The following FICD variants were observed in gnomAD, a reference collection of about 807,000 sequenced individuals.
FICD encodes FIC domain protein adenylyltransferase, also known as protein adenylyltransferase FICD.
FICD carries 13 observed loss-of-function variants against 28.0 expected under a neutral mutation model. The ratio of observed to expected loss-of-function variants is 0.46; its 90% confidence interval spans 0.30 to 0.74. FICD has a LOEUF of 0.74. Ranked by LOEUF, FICD falls within the 30% of genes least tolerant of loss-of-function variation. FICD has a pLI of 0.07. For synonymous variants in FICD, 268 were observed against 266.4 expected (o/e 1.01, Z -0.06); for missense variants, 576 against 624.5 (o/e 0.92, Z 0.83).
At chr12:108,517,450 A>C in intron 2 of FICD, 177 bp downstream of exon 2, 1 of 499,498 alleles carries the variant, frequency 2.0e-6, no homozygotes, top group Non-Finnish European at 3.3e-6. Context: ...GGGAAGCATA[A>C]AGGGCTGTAG....
In FICD at chr12:108,519,999, A is replaced by G. The variant is rs1397840060; in HGVS notation, c.*524A>G. On this transcript the variant is annotated 3_prime_UTR_variant, in exon 3 of 3. Coordinates refer to ENST00000552695, the MANE Select transcript of FICD (RefSeq NM_007076.3). The surrounding 1 kb of genome is among the most constrained non-coding windows in gnomAD (Gnocchi z 4.5). Reference sequence around the variant, plus strand: ...GGTGACTAACTTCCAAGCAAACTTCATAGAAGAGAAAATGAATGCCGACAT... The same window carrying G: ...GGTGACTAACTTCCAAGCAAACTTCGTAGAAGAGAAAATGAATGCCGACAT... 6.6e-6 allele frequency: 1 copy of G among 152,216 alleles called. No homozygotes were observed. The highest frequency in any genetic ancestry group is 1.9e-4 in the East Asian group (1 of 5,200). 9.4% of individuals were successfully genotyped at this position (152,216 alleles called of 1,614,324 possible).
Position 108,518,341 on chromosome 12 carries a change from C to A in FICD, c.302-59C>A. On this transcript the variant is annotated intron_variant, in intron 2 of 2. Transcript: ENST00000552695. This position sits in a 1 kb window ranked among gnomAD's most constrained non-coding sequence, Gnocchi z 4.4. Reference sequence around the variant, plus strand: ...GAGACCAGCACAGGGGACAGCCCCCCGAATGTCCTCTGCCCCCTAGCCTCC... The same window carrying A: ...GAGACCAGCACAGGGGACAGCCCCCAGAATGTCCTCTGCCCCCTAGCCTCC... 7.0e-7 allele frequency: 1 copy of A among 1,426,270 alleles called. No homozygotes were observed. Among genetic ancestry groups the A allele is most frequent in the East Asian group, 2.3e-5 (1 of 43,248 alleles). The allele number at this position is 1,426,270 out of a possible 1,614,324, so 88.4% of individuals were successfully genotyped here.
chr12:108,515,816 C>A (rs1206317406), intron 1 of FICD, among the ~76,000 whole-genome samples: 4 of 152,200 alleles, frequency 2.6e-5, no homozygotes, highest in African/African-American at 9.7e-5. Flanking sequence ...GTGCACAGGC[C>A]CTGCTTAGTA....
Position 108,519,059 on chromosome 12 carries a change from C to T in FICD, c.961C>T (p.Pro321Ser), listed in dbSNP as rs1872016179. 4 of 1,614,260 alleles carry T rather than the reference C, an allele frequency of 2.5e-6. No homozygotes were observed. The highest frequency in any genetic ancestry group is 1.7e-6 in the Non-Finnish European group (2 of 1,180,050). ...TTQVLVGHHIPPHPQDVEKQM... is the reference protein window; with the variant it reads ...TTQVLVGHHISPHPQDVEKQM... ...ACAGGTCCTGGTCGGACACCACATC[C>T]CTCCCCATCCGCAGGATGTGGAAAA... The change falls in exon 3 of 3, where the codon CCT (proline) becomes TCT (serine). Residue 321 changes from proline to serine, a missense_variant. Transcript: ENST00000552695. This position sits in a 1 kb window ranked among gnomAD's most constrained non-coding sequence, Gnocchi z 4.5.
chr12:108,519,679 T>C lies in FICD; in HGVS notation c.*204T>C. On this transcript the variant is annotated 3_prime_UTR_variant, in exon 3 of 3. Transcript: ENST00000552695. This position sits in a 1 kb window ranked among gnomAD's most constrained non-coding sequence, Gnocchi z 4.5. Reference sequence around the variant, plus strand: ...TAATTCAACCAAGCTATTTATTTTCTTCTTTGGAGCAAGCTAGTCAGTATT... The same window carrying C: ...TAATTCAACCAAGCTATTTATTTTCCTCTTTGGAGCAAGCTAGTCAGTATT... 1 of 540,512 alleles carries C rather than the reference T, an allele frequency of 1.9e-6. No homozygotes were observed. Among genetic ancestry groups the C allele is most frequent in the Non-Finnish European group, 3.2e-6 (1 of 310,002 alleles). The allele number at this position is 540,512 out of a possible 1,614,324, so 33.5% of individuals were successfully genotyped here. A position where few individuals can be genotyped will look rare whatever the true frequency, so the allele number is the denominator to read the frequency against.
In FICD at chr12:108,518,263, G is replaced by A. The variant is rs1019404125; in HGVS notation, c.302-137G>A. On this transcript the variant is annotated intron_variant, in intron 2 of 2. Transcript: ENST00000552695. This position sits in a 1 kb window ranked among gnomAD's most constrained non-coding sequence, Gnocchi z 4.4. ...CATGTTGAGTACACACGATGCGGCT[G>A]CAACAAGCTCCTCAAGGCCAGGGAC... is the stretch of plus-strand genomic sequence containing the variant. 6 of 750,804 alleles carry A rather than the reference G, an allele frequency of 8.0e-6. No homozygotes were observed. The highest frequency in any genetic ancestry group is 8.0e-5 in the Admixed American group (4 of 50,118). 46.5% of individuals were successfully genotyped at this position (750,804 alleles called of 1,614,324 possible). A position where few individuals can be genotyped will look rare whatever the true frequency, so the allele number is the denominator to read the frequency against.
rs766816964 is a variant in FICD, at chr12:108,519,016, C to T, written c.918C>T (p.Ala306=). The T allele has an allele frequency of 2.2e-5, 35 of 1,614,090 alleles. No individual in the cohort carries two copies. The East Asian group carries it at 2.9e-4, about 13-fold the overall frequency. The part of the protein sequence containing the change: ...RVLGYVDPVE[A]GRFRTTQVLV... ...TGGGCTACGTGGACCCCGTGGAAGC[C>T]GGCAGGTTTCGGACAACACAGGTCC... The change falls in exon 3 of 3, where the codon GCC becomes GCT. Residue 306 remains alanine, a synonymous_variant. Transcript: ENST00000552695. This position sits in a 1 kb window ranked among gnomAD's most constrained non-coding sequence, Gnocchi z 4.5.
rs765792790 is a variant in FICD, at chr12:108,517,289, C to T, written c.301+16C>T. 5 of 1,486,250 alleles carry T rather than the reference C, an allele frequency of 3.4e-6. No individual in the cohort carries two copies. Among genetic ancestry groups the T allele is most frequent in the African/African-American group, 2.8e-5 (2 of 71,864 alleles). The allele number at this position is 1,486,250 out of a possible 1,614,324, so 92.1% of individuals were successfully genotyped here. A position where few individuals can be genotyped will look rare whatever the true frequency, so the allele number is the denominator to read the frequency against. ...GCCTCTCCAGGTAAGACAGACTGGC[C>T]GTCTTCCTCAATGCTTGTTAACTGG... On this transcript the variant is annotated intron_variant, in intron 2 of 2. Coordinates refer to ENST00000552695, the MANE Select transcript of FICD (RefSeq NM_007076.3).
In FICD at chr12:108,518,692, C is replaced by G; in HGVS notation, c.594C>G (p.Ile198Met). 1.2e-6 allele frequency: 2 copies of G among 1,614,176 alleles called. No individual in the cohort carries two copies. Among genetic ancestry groups the G allele is most frequent in the East Asian group, 2.2e-5 (1 of 44,880 alleles). Residue 198 changes from isoleucine (I) to methionine (M), a missense_variant, in exon 3 of 3, where the codon ATC (isoleucine) becomes ATG (methionine). By Grantham distance (10) the Ile-to-Met change is conservative. Coordinates refer to ENST00000552695, the MANE Select transcript of FICD (RefSeq NM_007076.3). This position sits in a 1 kb window ranked among gnomAD's most constrained non-coding sequence, Gnocchi z 4.4. Reference sequence around the variant, plus strand: ...TCGACCAGAGGTATTTCAGCATCATCGACAGCAAAGTGAAGAAGGTCATGT... The same window carrying G: ...TCGACCAGAGGTATTTCAGCATCATGGACAGCAAAGTGAAGAAGGTCATGT... ...EEIDQRYFSIIDSKVKKVMSI... is the reference protein window; with the variant it reads ...EEIDQRYFSIMDSKVKKVMSI...
chr12:108,517,632 G>A (rs1318502211), intron 2 of FICD, among the ~76,000 whole-genome samples: 1 of 152,198 alleles, frequency 6.6e-6, no homozygotes, highest in African/African-American at 2.4e-5. Context: ...GGCATTCGAG[G>A]AACTAAAGGA....
In FICD at chr12:108,515,588, C is replaced by A. The variant is rs543015367; in HGVS notation, c.-59+227C>A. On this transcript the variant is annotated intron_variant, in intron 1 of 2. Coordinates refer to ENST00000552695, the MANE Select transcript of FICD (RefSeq NM_007076.3). ...CCTTCCCTGCACACACCCCTGGCAC[C>A]GGCGAACTGCCCCCTTTCCTGTACC... Among the ~76,000 whole-genome samples, 38 of 152,118 alleles carry A rather than the reference C, an allele frequency of 2.5e-4. 1 individual carries two copies. Among genetic ancestry groups the A allele is most frequent in the Non-Finnish European group, 4.9e-4 (33 of 67,996 alleles).
chr12:108,516,572 C>T (rs1871916242), intron 1 of FICD, among the ~76,000 whole-genome samples: 1 of 152,230 alleles, frequency 6.6e-6, no homozygotes, highest in African/African-American at 2.4e-5. Flanking sequence ...CTCTGAACCT[C>T]AGTTCCCTCA....
chr12:108,520,804 T>C lies in FICD; in HGVS notation c.*1329T>C, dbSNP rs946704423. On this transcript the variant is annotated 3_prime_UTR_variant, in exon 3 of 3. Coordinates refer to ENST00000552695, the MANE Select transcript of FICD (RefSeq NM_007076.3). ...GTCTAACACTACTGCACTTTGTCAG[T>C]GTGTGAGTGATGGCGAATACGCAGT... 16 of 152,174 alleles carry C rather than the reference T, an allele frequency of 1.1e-4. No individual in the cohort carries two copies. Among genetic ancestry groups the C allele is most frequent in the Non-Finnish European group, 2.1e-4 (14 of 68,030 alleles). The allele number at this position is 152,174 out of a possible 1,614,324, so 9.4% of individuals were successfully genotyped here. A position where few individuals can be genotyped will look rare whatever the true frequency, so the allele number is the denominator to read the frequency against.
chr12:108,517,603 T>G (rs1369100499), intron 2 of FICD: 3 of 421,394 alleles, frequency 7.1e-6, no homozygotes, highest in Non-Finnish European at 1.3e-5. Flanking sequence ...CTGACATAAC[T>G]GTCGTAAGAG....
intron 2 of FICD, 101 bp downstream of exon 2, chr12:108,517,374 G>C: frequency 9.9e-7 from 1 of 1,013,836 alleles, no homozygotes; most frequent in Non-Finnish European, 1.3e-6. Flanking sequence ...TTGTGAACAA[G>C]TCAGCCCTGA....
In FICD at chr12:108,520,096, T is replaced by TTTTG. The variant is rs1488885597; in HGVS notation, c.*624_*625insGTTT. 2.6e-5 allele frequency: 4 copies of TTTTG among 151,272 alleles called. No individual in the cohort carries two copies. The East Asian group carries it at 7.8e-4, about 29-fold the overall frequency. The allele number at this position is 151,272 out of a possible 1,614,324, so 9.4% of individuals were successfully genotyped here. The stretch of plus-strand genomic sequence containing the variant: ...TTTAGTGCCAGCAGCTGTTTTTTTT[T>TTTTG]TTTTTTTTTTCATATTGAGACTATT... On this transcript the variant is annotated 3_prime_UTR_variant, in exon 3 of 3. Coordinates refer to ENST00000552695, the MANE Select transcript of FICD (RefSeq NM_007076.3).
At chr12:108,515,815 C>T (rs73402738) in intron 1 of FICD, among the ~76,000 whole-genome samples, 1 of 152,178 alleles carries the variant, frequency 6.6e-6, no homozygotes, top group East Asian at 1.9e-4. Flanking sequence ...GGTGCACAGG[C>T]CCTGCTTAGT....
At position 108,516,899 on chromosome 12, in the gene FICD, T is replaced by C. The variant is rs1394242938; in HGVS notation, c.-58-16T>C. Reference sequence around the variant, plus strand: ...TGAACGTGTCTGTTTCTCCTGCGACTCTTGGCTCCTTGCAGATCCTGCTCT... The same window carrying C: ...TGAACGTGTCTGTTTCTCCTGCGACCCTTGGCTCCTTGCAGATCCTGCTCT... On this transcript the variant is annotated splice_polypyrimidine_tract_variant and intron_variant, in intron 1 of 2. Coordinates refer to ENST00000552695, the MANE Select transcript of FICD (RefSeq NM_007076.3). 4 of 1,307,256 alleles carry C rather than the reference T, an allele frequency of 3.1e-6. No individual in the cohort carries two copies. The highest frequency in any genetic ancestry group is 4.1e-6 in the Non-Finnish European group (4 of 967,542). The allele number at this position is 1,307,256 out of a possible 1,614,324, so 81.0% of individuals were successfully genotyped here. A position where few individuals can be genotyped will look rare whatever the true frequency, so the allele number is the denominator to read the frequency against.
intron 2 of FICD, among the ~76,000 whole-genome samples, chr12:108,517,677 A>G (rs944958040): frequency 6.6e-6 from 1 of 152,164 alleles, no homozygotes; most frequent in African/African-American, 2.4e-5. Context: ...CAGGTGGCCA[A>G]GAGGGGCCAG....
Sources: allele counts gnomAD v4.1 joint callset (sites outside exome capture counted in the v4.1 genomes callset), GRCh38; gene constraint gnomAD v4.1.1; non-coding constraint Gnocchi (gnomAD v3.1); transcripts MANE v1.5; gene names NCBI Gene and HGNC (gene_info 2026-07-23, HGNC 2026-07-21).